Variants in SUPT3H observed in about 807,000 individuals in gnomAD.
The protein encoded by SUPT3H is transcription initiation protein SPT3 homolog.
In SUPT3H, 44 loss-of-function variants were observed where a neutral mutation model predicts 44.3. That is an observed-to-expected ratio of 0.99 (90% CI 0.78 to 1.28). The LOEUF is 1.28. Ranked by LOEUF, SUPT3H falls within the 50% of genes most tolerant of loss-of-function variation. The pLI is 0.00. For synonymous variants in SUPT3H, 124 were observed against 125.6 expected (o/e 0.99, Z 0.09); for missense variants, 380 against 387.1 (o/e 0.98, Z 0.15).
Position 45,105,981 on chromosome 6 carries a change from G to A in SUPT3H, c.127C>T (p.Pro43Ser). The A allele has an allele frequency of 1.2e-6, 2 of 1,613,640 alleles. No individual in the cohort carries two copies. Among genetic ancestry groups the A allele is most frequent in the Non-Finnish European group, 1.7e-6 (2 of 1,179,772 alleles). Reference protein sequence around the residue: ...MMYSLGDARRPLHETAVLVED... With the variant: ...MMYSLGDARRSLHETAVLVED... The stretch of plus-strand genomic sequence containing the variant: ...ACCAAAACTGCTGTTTCATGAAGAG[G>A]CCTTCTAGCATCACCTAAAGAATAC... Residue 43 changes from proline to serine, a missense_variant, in exon 3 of 11, where the codon CCT becomes TCT. Coordinates refer to ENST00000371459, the MANE Select transcript of SUPT3H (RefSeq NM_003599.4).
chr6:44,989,401 G>A (rs1467010075), intron 6 of SUPT3H, among the ~76,000 whole-genome samples: 2 of 152,120 alleles, frequency 1.3e-5, no homozygotes, highest in Non-Finnish European at 2.9e-5. Context: ...CCTGCTGACA[G>A]GTCAGGTAGG....
intron 10 of SUPT3H, among the ~76,000 whole-genome samples, chr6:44,839,942 C>T (rs570940374): frequency 2.5e-4 from 38 of 152,174 alleles, no homozygotes; most frequent in South Asian, 2.1e-4. Flanking sequence ...CCTCGTGATC[C>T]GCCCGCCTTG....
intron 10 of SUPT3H, among the ~76,000 whole-genome samples, chr6:44,903,218 T>C (rs1235559969): frequency 6.6e-6 from 1 of 152,072 alleles, no homozygotes; most frequent in African/African-American, 2.4e-5. Flanking sequence ...CAAAAAACCC[T>C]TCAAAAAATC....
In SUPT3H at chr6:45,299,744, G is replaced by A. The variant is rs1200832154; in HGVS notation, c.101+65457C>T. Among the ~76,000 whole-genome samples the A allele has an allele frequency of 2.0e-5, 3 of 147,924 alleles. No homozygotes were observed. In the Admixed American group the frequency reaches 2.1e-4, roughly 10 times the overall value. On this transcript the variant is annotated intron_variant, in intron 2 of 10. Coordinates refer to ENST00000371459, the MANE Select transcript of SUPT3H (RefSeq NM_003599.4). ...AGCCTGGGCAACACAGTGAGACCCC[G>A]GCTCTGCCAAAAAAAAAAAAAAATT...
At position 45,048,787 on chromosome 6, in the gene SUPT3H, C is replaced by A. The variant is rs188657011; in HGVS notation, c.187-28155G>T. Among the ~76,000 whole-genome samples the A allele has an allele frequency of 4.8e-4, 73 of 152,018 alleles. 1 individual carries two copies. Among genetic ancestry groups the A allele is most frequent in the Non-Finnish European group, 1.8e-4 (12 of 67,978 alleles). On this transcript the variant is annotated intron_variant, in intron 3 of 10. Transcript: ENST00000371459. ...ATTATGTTAAGTGAAATAAGCCAGG[C>A]ATGGAAAGACAAATGCCACATGATC...
intron 10 of SUPT3H, among the ~76,000 whole-genome samples, chr6:44,849,981 G>T (rs773704470): frequency 8.5e-5 from 13 of 152,180 alleles, no homozygotes; most frequent in Non-Finnish European, 1.8e-4. Context: ...ACCACCACTG[G>T]CTGACATTTG....
chr6:44,904,164 T>C (rs1260045747), intron 10 of SUPT3H, among the ~76,000 whole-genome samples: 1 of 152,170 alleles, frequency 6.6e-6, no homozygotes, highest in Admixed American at 6.5e-5. Context: ...CAACATAGTG[T>C]TGGAAGTTCT....
At chr6:45,200,464 T>A (rs1394691094) in intron 2 of SUPT3H, among the ~76,000 whole-genome samples, 9 of 151,498 alleles carry the variant, frequency 5.9e-5, no homozygotes, top group Non-Finnish European at 1.3e-4. Context: ...TTTAAAAATA[T>A]TAACAAACTT....
chr6:45,062,597 G>GTGGGCGCAGGCCAGTGA (rs1562368990), intron 3 of SUPT3H, among the ~76,000 whole-genome samples: 6 of 152,030 alleles, frequency 3.9e-5, no homozygotes, highest in Admixed American at 3.3e-4. Context: ...CAGGCCAGTG[G>GTGGGCGCAGGCCAGTGA]GTGCGCGCAC....
intron 2 of SUPT3H, among the ~76,000 whole-genome samples, chr6:45,320,804 T>A (rs1342605046): frequency 6.6e-6 from 1 of 152,180 alleles, no homozygotes; most frequent in Non-Finnish European, 1.5e-5. Flanking sequence ...ACTTTGTACA[T>A]AGAGACGTAG....
intron 3 of SUPT3H, among the ~76,000 whole-genome samples, chr6:45,059,892 A>G (rs1331493644): frequency 6.6e-6 from 1 of 152,116 alleles, no homozygotes; most frequent in African/African-American, 2.4e-5. Context: ...TAACAAGGGA[A>G]GTGAAGGATC....
intron 3 of SUPT3H, among the ~76,000 whole-genome samples, chr6:45,047,870 G>A (rs966809415): frequency 6.0e-4 from 91 of 151,560 alleles, no homozygotes; most frequent in African/African-American, 2.2e-3. Flanking sequence ...TTTCATATAT[G>A]TGTTGGCCAT....
At chr6:45,365,363 AAAAG>A (rs1469783464) in intron 1 of SUPT3H, 62 bp from the exon 2 acceptor site, 28 of 1,107,836 alleles carry the variant, frequency 2.5e-5, no homozygotes, top group South Asian at 2.1e-4. Flanking sequence ...ATGCAAAAAA[AAAAG>A]AAAGCAAATA....
At chr6:45,178,758 A>C (rs1458364859) in intron 2 of SUPT3H, among the ~76,000 whole-genome samples, 2 of 152,184 alleles carry the variant, frequency 1.3e-5, no homozygotes, top group Non-Finnish European at 2.9e-5. Flanking sequence ...AGGATTAAGA[A>C]TCTCACTCAA....
rs139533782 is a variant in SUPT3H, at chr6:45,083,822, T to C, written c.186+22100A>G. 2.3e-3 allele frequency among the ~76,000 whole-genome samples: 356 copies of C among 152,056 alleles called. 1 individual carries two copies. The highest frequency in any genetic ancestry group is 7.5e-3 in the African/African-American group (313 of 41,480). On this transcript the variant is annotated intron_variant, in intron 3 of 10. Transcript: ENST00000371459. ...TACAACCATCTGATCTTTGACAAAG[T>C]TGACAAAACTAAGCAATGGAGAAAG... is the stretch of plus-strand genomic sequence containing the variant.
chr6:45,148,096 CTA>C (rs1435567286), intron 2 of SUPT3H, among the ~76,000 whole-genome samples: 4 of 152,092 alleles, frequency 2.6e-5, no homozygotes, highest in Non-Finnish European at 5.9e-5. Context: ...TACACTAAAT[CTA>C]TATATGTAAC....
At chr6:45,065,795 A>C (rs1409352841) in intron 3 of SUPT3H, among the ~76,000 whole-genome samples, 4 of 151,684 alleles carry the variant, frequency 2.6e-5, no homozygotes, top group Admixed American at 6.6e-5. Flanking sequence ...CAATAACAGG[A>C]GCTGAAATTA....
rs150170000 is a variant in SUPT3H at position 44,896,788 on chromosome 6, G to C, written c.912+35865C>G. Among the ~76,000 whole-genome samples, 277 of 152,274 alleles carry C rather than the reference G, an allele frequency of 1.8e-3. 2 individuals carry two copies. Among genetic ancestry groups the C allele is most frequent in the African/African-American group, 6.4e-3 (268 of 41,552 alleles). ...ATTTCTATGTTTTAAAAAAACAGAT[G>C]AGAAAATGCAGGATACCCTGAAGTC... is the stretch of plus-strand genomic sequence containing the variant. On this transcript the variant is annotated intron_variant, in intron 10 of 10. Transcript: ENST00000371459.
At chr6:45,099,148 C>T (rs2153567382) in intron 3 of SUPT3H, 2 of 323,852 alleles carry the variant, frequency 6.2e-6, no homozygotes, top group South Asian at 5.2e-5. Flanking sequence ...TTAGGCCACA[C>T]ATATTCACCT....
Sources: allele counts gnomAD v4.1 joint callset (sites outside exome capture counted in the v4.1 genomes callset), GRCh38; gene constraint gnomAD v4.1.1; transcripts MANE v1.5; gene names NCBI Gene and HGNC (gene_info 2026-07-23, HGNC 2026-07-21).